PSMA1: variants seen among roughly 807,000 people sequenced by gnomAD.
PSMA1 encodes proteasome 20S subunit alpha 1.
PSMA1 carries 3 observed loss-of-function variants against 38.4 expected under a neutral mutation model. The observed-to-expected ratio is 0.08, with a 90% CI of 0.04 to 0.20. PSMA1 has a LOEUF of 0.20. Among genes scored for constraint, PSMA1 ranks in the 10% least tolerant of loss-of-function variants. The probability of loss-of-function intolerance (pLI) is 1.00; values close to 1 mark genes in which losing one functional copy is unlikely to be tolerated. For synonymous variants in PSMA1, 101 were observed against 107.1 expected (o/e 0.94, Z 0.35); for missense variants, 227 against 325.3 (o/e 0.70, Z 2.32).
At chr11:14,549,158 CT>C (rs1851859291) in intron 2 of PSMA1, among the ~76,000 whole-genome samples, 1 of 151,942 alleles carries the variant, frequency 6.6e-6, no homozygotes, top group African/African-American at 2.4e-5. Flanking sequence ...TTATAGGTTG[CT>C]GTTAATTTTA....
intron 1 of PSMA1, among the ~76,000 whole-genome samples, chr11:14,621,617 T>C (rs906736282): frequency 2.0e-5 from 3 of 152,208 alleles, no homozygotes; most frequent in East Asian, 1.9e-4. Flanking sequence ...AATTGGCACA[T>C]AGTAACCACC....
At chr11:14,538,512 C>T (rs1050271502) in intron 2 of PSMA1, among the ~76,000 whole-genome samples, 1 of 152,244 alleles carries the variant, frequency 6.6e-6, no homozygotes, top group Non-Finnish European at 1.5e-5. Flanking sequence ...GCTACGCCAG[C>T]TTCCATATCC....
At chr11:14,603,565 T>G (rs1389825995) in intron 2 of PSMA1, among the ~76,000 whole-genome samples, 1 of 152,238 alleles carries the variant, frequency 6.6e-6, no homozygotes, top group East Asian at 1.9e-4. Flanking sequence ...TGCTGAATTT[T>G]CCTGTTATTT....
chr11:14,623,508 G>A (rs1852874447), intron 1 of PSMA1, among the ~76,000 whole-genome samples: 1 of 152,174 alleles, frequency 6.6e-6, no homozygotes, highest in Non-Finnish European at 1.5e-5. Context: ...TCTGGTCGGG[G>A]CCTGGAAAGA....
At chr11:14,598,855 G>T (rs1214659595) in intron 2 of PSMA1, among the ~76,000 whole-genome samples, 2 of 151,766 alleles carry the variant, frequency 1.3e-5, no homozygotes, top group African/African-American at 4.8e-5. Context: ...TTCACAATTT[G>T]GCATGTTTTT....
intron 2 of PSMA1, among the ~76,000 whole-genome samples, chr11:14,549,679 T>C (rs2134168083): frequency 6.9e-6 from 1 of 144,036 alleles, no homozygotes; most frequent in South Asian, 2.2e-4. Flanking sequence ...CCAGCCTGAG[T>C]GACAGAGTGA....
chr11:14,638,207 G>A (rs563502276), intron 1 of PSMA1, among the ~76,000 whole-genome samples: 3 of 152,052 alleles, frequency 2.0e-5, no homozygotes, highest in Admixed American at 6.5e-5. Context: ...CCTTCACATC[G>A]TGCTACCTGG....
chr11:14,556,779 T>C (rs923038498), intron 2 of PSMA1, among the ~76,000 whole-genome samples: 7 of 152,222 alleles, frequency 4.6e-5, no homozygotes, highest in African/African-American at 1.7e-4. Context: ...GACATCCAGT[T>C]GCTCTAGCAC....
chr11:14,630,419 T>C (rs1163041521), intron 1 of PSMA1, among the ~76,000 whole-genome samples: 3 of 152,256 alleles, frequency 2.0e-5, no homozygotes, highest in African/African-American at 4.8e-5. Context: ...TCTATTGAGA[T>C]AATCATCTGG....
At chr11:14,599,862 C>T (rs2134193166) in intron 2 of PSMA1, among the ~76,000 whole-genome samples, 1 of 152,310 alleles carries the variant, frequency 6.6e-6, no homozygotes, top group East Asian at 1.9e-4. Flanking sequence ...TCTGGTTTCT[C>T]CCCATCTTTG....
At chr11:14,601,737 C>G (rs989685093) in intron 2 of PSMA1, among the ~76,000 whole-genome samples, 1 of 152,070 alleles carries the variant, frequency 6.6e-6, no homozygotes, top group Non-Finnish European at 1.5e-5. Flanking sequence ...CATGAACTTG[C>G]TCAGGTAACT....
chr11:14,517,769 TAAAAAA>T, intron 3 of PSMA1, 24 bp from the exon 4 acceptor site: 3 of 1,320,116 alleles, frequency 2.3e-6, no homozygotes, highest in East Asian at 2.5e-5. Flanking sequence ...TTATAAGATG[TAAAAAA>T]AAAAAAAAAA....
intron 1 of PSMA1, among the ~76,000 whole-genome samples, chr11:14,632,593 C>A (rs1172636328): frequency 2.0e-5 from 3 of 151,462 alleles, no homozygotes; most frequent in Non-Finnish European, 4.4e-5. Flanking sequence ...TTTGGCTGCC[C>A]TTAACATTTT....
intron 7 of PSMA1, 163 bp from the exon 8 acceptor site, chr11:14,511,114 A>T: frequency 2.4e-6 from 1 of 417,882 alleles, no homozygotes; most frequent in Non-Finnish European, 4.3e-6. Flanking sequence ...TTTTAATAGC[A>T]TTCTATGACA....
intron 2 of PSMA1, among the ~76,000 whole-genome samples, chr11:14,546,567 A>C (rs1389804597): frequency 6.6e-6 from 1 of 151,902 alleles, no homozygotes; most frequent in Non-Finnish European, 1.5e-5. Context: ...CCTCCCAAGT[A>C]GCTAGGATTA....
intron 1 of PSMA1, among the ~76,000 whole-genome samples, chr11:14,613,470 T>C (rs1288567089): frequency 6.6e-6 from 1 of 151,976 alleles, no homozygotes; most frequent in African/African-American, 2.4e-5. Context: ...GCCAGTCTGA[T>C]CTCAAACTTC....
intron 2 of PSMA1, among the ~76,000 whole-genome samples, chr11:14,528,628 A>C (rs1439869626): frequency 6.6e-6 from 1 of 152,074 alleles, no homozygotes; most frequent in African/African-American, 2.4e-5. Context: ...GAAGACAGGA[A>C]GGTCAGGCCT....
At chr11:14,511,061 T>C in intron 7 of PSMA1, 110 bp from the exon 8 acceptor site, 1 of 614,470 alleles carries the variant, frequency 1.6e-6, no homozygotes. Flanking sequence ...ACACTAAATT[T>C]ATCACAGTAA....
chr11:14,592,378 A>C (rs7930813), intron 2 of PSMA1, among the ~76,000 whole-genome samples: 34,590 of 100,574 alleles, frequency 0.34, 4,354 homozygotes, highest in African/African-American at 0.45. Context: ...CTCTCTCTCT[A>C]TATATATATA....
Sources: allele counts gnomAD v4.1 joint callset (sites outside exome capture counted in the v4.1 genomes callset), GRCh38; gene constraint gnomAD v4.1.1; transcripts MANE v1.5; gene names NCBI Gene and HGNC (gene_info 2026-07-23, HGNC 2026-07-21).